Variants in LRRK1 observed in about 807,000 individuals in gnomAD.
The protein encoded by LRRK1 is leucine-rich repeat serine/threonine-protein kinase 1.
In LRRK1, 113 loss-of-function variants were observed where a neutral mutation model predicts 209.1. The ratio of observed to expected loss-of-function variants is 0.54; its 90% CI spans 0.46 to 0.63. The LOEUF (loss-of-function observed/expected upper bound fraction) is 0.63, where lower values mean the gene tolerates loss of function less well. Among genes scored for constraint, LRRK1 ranks in the 30% least tolerant of loss-of-function variants. The pLI is 0.00. For missense variants in LRRK1, 2,284 were observed against 2,632.2 expected, an observed-to-expected ratio of 0.87 and a Z score of 2.89; for synonymous variants, 1,144 against 1,099.7, an observed-to-expected ratio of 1.04 and a Z score of -0.80.
At chr15:100,942,449 GGTCCTTACAAAATGGTGA>G (rs2042458949) in intron 2 of LRRK1, among the ~76,000 whole-genome samples, 1 of 152,038 alleles carries the variant, frequency 6.6e-6, no homozygotes, top group African/African-American at 2.4e-5. Flanking sequence ...TAAAAAGTAG[GGTCCTTACAAAATGGTGA>G]GTCCGATTTT....
At chr15:100,980,334 C>T (rs996578725) in intron 3 of LRRK1, among the ~76,000 whole-genome samples, 1 of 151,294 alleles carries the variant, frequency 6.6e-6, no homozygotes, top group South Asian at 2.1e-4. Context: ...CTCTATGATT[C>T]CATTTATGTA....
intron 20 of LRRK1, among the ~76,000 whole-genome samples, chr15:101,039,150 T>TA (rs1189804199): frequency 6.6e-6 from 1 of 152,226 alleles, no homozygotes; most frequent in Non-Finnish European, 1.5e-5. Flanking sequence ...GTCTGATTCT[T>TA]AAAAAACCGT....
At chr15:100,989,015 C>T (rs2032021240) in intron 5 of LRRK1, among the ~76,000 whole-genome samples, 1 of 152,258 alleles carries the variant, frequency 6.6e-6, no homozygotes, top group African/African-American at 2.4e-5. Flanking sequence ...AAGGGGATTT[C>T]AGTGACAGAG....
Position 101,045,493 on chromosome 15 carries a change from C to T in LRRK1, c.2964-488C>T, listed in dbSNP as rs1252604516. On this transcript the variant is annotated intron_variant, in intron 20 of 33. Coordinates refer to ENST00000388948, the MANE Select transcript of LRRK1 (RefSeq NM_024652.6). ...GGCCTATTCTAACTTTTAAGGCAAT[C>T]GCGTCGTGTCAACGGGCCAAGAATA... Among the ~76,000 whole-genome samples the T allele has an allele frequency of 3.9e-5, 6 of 152,342 alleles. No homozygotes were observed. In the South Asian group the frequency reaches 8.3e-4, roughly 21 times the overall value.
At position 101,070,375 on chromosome 15, in the gene LRRK1, G is replaced by T. The variant is rs1490160130; in HGVS notation, c.*1527G>T. The T allele has an allele frequency of 4.3e-5, 6 of 140,076 alleles. No homozygotes were observed. The highest frequency in any genetic ancestry group is 1.6e-4 in the African/African-American group (6 of 36,480). The allele number at this position is 140,076 out of a possible 1,614,324, so 8.7% of individuals were successfully genotyped here. A position where few individuals can be genotyped will look rare whatever the true frequency, so the allele number is the denominator to read the frequency against. On this transcript the variant is annotated 3_prime_UTR_variant, in exon 34 of 34. Coordinates refer to ENST00000388948, the MANE Select transcript of LRRK1 (RefSeq NM_024652.6). The stretch of plus-strand genomic sequence containing the variant: ...AAGTCCCAGGGGGCTGAGGGTCTGT[G>T]CTTCCTGTCTACCTCCCTGCCATTC...
At chr15:100,954,420 G>T (rs1567198289) in intron 2 of LRRK1, among the ~76,000 whole-genome samples, 1 of 152,050 alleles carries the variant, frequency 6.6e-6, no homozygotes, top group African/African-American at 2.4e-5. Context: ...TCAGATATAT[G>T]GTTTGCAATA....
At chr15:100,991,132 AT>A (rs1214793209) in intron 6 of LRRK1, among the ~76,000 whole-genome samples, 4 of 152,128 alleles carry the variant, frequency 2.6e-5, no homozygotes, top group African/African-American at 9.7e-5. Context: ...CACCATTGGC[AT>A]TTTCCCCAGT....
At chr15:101,049,908 C>T in intron 23 of LRRK1, 125 bp downstream of exon 23, 1 of 1,026,082 alleles carries the variant, frequency 9.7e-7, no homozygotes, top group South Asian at 1.8e-5. Flanking sequence ...ACTAGGGGGT[C>T]TTAACAGCAC....
chr15:100,978,487 G>T (rs1596228596), intron 3 of LRRK1, among the ~76,000 whole-genome samples: 2 of 152,122 alleles, frequency 1.3e-5, no homozygotes, highest in East Asian at 3.9e-4. Context: ...ATAAAACCTT[G>T]GAAGTAGTCA....
intron 22 of LRRK1, 154 bp from the exon 23 acceptor site, chr15:101,049,490 C>T (rs2035276356): frequency 1.6e-5 from 13 of 793,816 alleles, no homozygotes; most frequent in Middle Eastern, 3.8e-4. Context: ...GCCACGCACA[C>T]GTACATACAG....
intron 6 of LRRK1, among the ~76,000 whole-genome samples, chr15:100,997,093 T>A (rs2032455639): frequency 7.4e-6 from 1 of 135,400 alleles, no homozygotes; most frequent in South Asian, 2.3e-4. Context: ...TATCTATAGA[T>A]CTTATATCTA....
At chr15:100,933,036 T>C (rs1285814139) in intron 2 of LRRK1, among the ~76,000 whole-genome samples, 2 of 152,218 alleles carry the variant, frequency 1.3e-5, no homozygotes, top group Non-Finnish European at 2.9e-5. Context: ...ACTCTTACTT[T>C]GCACCTTTAT....
At chr15:100,984,865 C>A (rs2031787384) in intron 4 of LRRK1, among the ~76,000 whole-genome samples, 1 of 152,198 alleles carries the variant, frequency 6.6e-6, no homozygotes, top group East Asian at 1.9e-4. Flanking sequence ...TAGCCATGGT[C>A]TTTGGGATTT....
chr15:100,940,855 C>T (rs958466573), intron 2 of LRRK1, among the ~76,000 whole-genome samples: 1 of 152,226 alleles, frequency 6.6e-6, no homozygotes, highest in Non-Finnish European at 1.5e-5. Context: ...TGTCTTATCT[C>T]AGTGACTGTG....
At chr15:100,950,899 C>G (rs11247243) in intron 2 of LRRK1, among the ~76,000 whole-genome samples, 60,536 of 151,360 alleles carry the variant, frequency 0.4, 14,403 homozygotes, top group East Asian at 0.74. Context: ...GTCAGGAGAT[C>G]GAGACCATCC....
chr15:101,024,975 C>T lies in LRRK1; in HGVS notation c.2232+8C>T, dbSNP rs1241364079. 6.2e-7 allele frequency: 1 copy of T among 1,610,414 alleles called. No homozygotes were observed. Among genetic ancestry groups the T allele is most frequent in the Admixed American group, 1.7e-5 (1 of 59,954 alleles). Reference sequence around the variant, plus strand: ...TGGCTGCTCAACATCGAGGTGAGGACACCAGACGCCAGCCCTGCCATTTCA... The same window carrying T: ...TGGCTGCTCAACATCGAGGTGAGGATACCAGACGCCAGCCCTGCCATTTCA... On this transcript the variant is annotated splice_region_variant and intron_variant, in intron 16 of 33. Coordinates refer to ENST00000388948, the MANE Select transcript of LRRK1 (RefSeq NM_024652.6). This position sits in a 1 kb window ranked among gnomAD's most constrained non-coding sequence, Gnocchi z 4.6.
chr15:100,935,186 T>C (rs1424947393), intron 2 of LRRK1, among the ~76,000 whole-genome samples: 1 of 152,180 alleles, frequency 6.6e-6, no homozygotes, highest in African/African-American at 2.4e-5. Flanking sequence ...TGCACTCTAC[T>C]GTCAGGAGTG....
At chr15:101,031,251 G>A (rs895726102) in intron 20 of LRRK1, among the ~76,000 whole-genome samples, 7 of 152,316 alleles carry the variant, frequency 4.6e-5, no homozygotes, top group African/African-American at 7.2e-5. Context: ...TGGAAGTTCC[G>A]CCAGACGCCC....
In LRRK1 at chr15:100,983,638, C is replaced by T. The variant is rs765984510; in HGVS notation, c.372C>T (p.Ala124=). ...CCGAGCCCACGGATGACAACCCAGC[C>T]GTGGTGGCAGCGTATTTTGGACACA... ...LPTEPTDDNP[A]VVAAYFGHTA... is the part of the protein sequence containing the mutation. The change falls in exon 4 of 34, where the codon GCC becomes GCT. Residue 124 remains alanine (A), a synonymous_variant. Coordinates refer to ENST00000388948, the MANE Select transcript of LRRK1 (RefSeq NM_024652.6). 1.7e-5 allele frequency: 28 copies of T among 1,609,202 alleles called. No homozygotes were observed. Among genetic ancestry groups the T allele is most frequent in the African/African-American group, 4.0e-5 (3 of 74,802 alleles).
Sources: gnomAD v4.1 joint callset for allele counts (sites outside exome capture counted in the v4.1 genomes callset) on GRCh38, gnomAD v4.1.1 for gene constraint, Gnocchi (gnomAD v3.1) non-coding constraint, MANE v1.5 for transcripts, NCBI Gene and HGNC (gene_info 2026-07-23, HGNC 2026-07-21) for gene names.